C2orf49: variants seen among roughly 807,000 people sequenced by gnomAD.
C2orf49 encodes the protein tRNA splicing ligase complex subunit 2, also known as tRNA-splicing ligase complex subunit ASW.
In C2orf49, 11 loss-of-function variants were observed where a neutral mutation model predicts 20.6. That is an observed-to-expected ratio of 0.53 (90% CI 0.34 to 0.88). C2orf49 has a LOEUF of 0.88. Among genes scored for constraint, C2orf49 ranks in the 40% least tolerant of loss-of-function variants. The pLI is 0.02. For synonymous variants in C2orf49, 134 were observed against 108.5 expected (o/e 1.24, Z -1.46); for missense variants, 289 against 274.2 (o/e 1.05, Z -0.38).
the C2orf49 span, among the ~76,000 whole-genome samples, chr2:105,385,540 GA>G: frequency 1.3e-5 from 2 of 152,234 alleles, no homozygotes; most frequent in Non-Finnish European, 2.9e-5. Context: ...AATTCCTTTA[GA>G]GATGCCAAAG....
the C2orf49 span, chr2:105,373,843 C>T: frequency 1.2e-5 from 13 of 1,057,850 alleles, no homozygotes; most frequent in Non-Finnish European, 1.7e-5. Context: ...GAAGTTGGGC[C>T]GAGGCACCCT....
the C2orf49 span, chr2:105,385,788 T>C: frequency 6.5e-6 from 1 of 153,254 alleles, no homozygotes; most frequent in African/African-American, 2.4e-5. Flanking sequence ...CAGTGGTCTT[T>C]GCTGAACCAC....
chr2:105,369,226 G>A, the C2orf49 span, among the ~76,000 whole-genome samples: 3 of 152,180 alleles, frequency 2.0e-5, no homozygotes, highest in Admixed American at 6.5e-5. Flanking sequence ...GGACTGCCCC[G>A]CTCCAGACCA....
At chr2:105,378,670 T>G in the C2orf49 span, 2 of 155,670 alleles carry the variant, frequency 1.3e-5, no homozygotes, top group Admixed American at 1.3e-4. Context: ...AACGTTTCTC[T>G]CAGCCTACCT....
At chr2:105,363,021 A>G in the C2orf49 span, 1 of 433,114 alleles carries the variant, frequency 2.3e-6, no homozygotes, top group African/African-American at 2.0e-5. Flanking sequence ...AGTTTTAGCG[A>G]TAATCCAACC....
chr2:105,352,429 G>GTTTTTTTTTTTTGTTT (rs1679956343), downstream of C2orf49, among the ~76,000 whole-genome samples: 1 of 80,758 alleles, frequency 1.2e-5, no homozygotes. Flanking sequence ...GTTTGTTTGG[G>GTTTTTTTTTTTTGTTT]TTTTTTTTTT....
At chr2:105,380,858 A>G in the C2orf49 span, among the ~76,000 whole-genome samples, 8 of 152,244 alleles carry the variant, frequency 5.3e-5, no homozygotes. Context: ...AATGTCATAC[A>G]TTGCAGTAAA....
chr2:105,360,926 T>C, the C2orf49 span: 4 of 175,464 alleles, frequency 2.3e-5, no homozygotes, highest in Non-Finnish European at 3.6e-5. Flanking sequence ...CATTACCTTA[T>C]TGAGTTTAGA....
At position 105,343,066 on chromosome 2, in the gene C2orf49, A is replaced by G; in HGVS notation, c.485A>G (p.Asn162Ser). 6.2e-7 allele frequency: 1 copy of G among 1,614,244 alleles called. No individual in the cohort carries two copies. Among genetic ancestry groups the G allele is most frequent in the Non-Finnish European group, 8.5e-7 (1 of 1,180,050 alleles). ...TTGTCTTCCAATTTGCCTGTGAACAATAAAACGGAACACAATAATAATGAC... is the reference window on the plus strand; with the variant it reads ...TTGTCTTCCAATTTGCCTGTGAACAGTAAAACGGAACACAATAATAATGAC... ...LILSSNLPVNNKTEHNNNDAK... is the reference protein window; with the variant it reads ...LILSSNLPVNSKTEHNNNDAK... The change falls in exon 3 of 4, where the codon AAT (asparagine) becomes AGT (serine). Residue 162 changes from asparagine to serine, a missense_variant. Coordinates refer to ENST00000258457, the MANE Select transcript of C2orf49 (RefSeq NM_024093.3).
the C2orf49 span, among the ~76,000 whole-genome samples, chr2:105,362,062 A>G: frequency 6.6e-6 from 1 of 152,224 alleles, no homozygotes; most frequent in African/African-American, 2.4e-5. Context: ...CACAATTCAC[A>G]TTCATATCTA....
At chr2:105,343,292 G>A (rs1461970130) in intron 3 of C2orf49, 69 bp downstream of exon 3, 17 of 1,472,688 alleles carry the variant, frequency 1.2e-5, no homozygotes, top group East Asian at 2.3e-5. Context: ...GCCTCATGAC[G>A]GGAGGTGGGT....
the C2orf49 span, among the ~76,000 whole-genome samples, chr2:105,384,423 G>T: frequency 6.6e-6 from 1 of 152,208 alleles, no homozygotes; most frequent in South Asian, 2.1e-4. Flanking sequence ...CCTGTCAGCT[G>T]CTAGAAGAGT....
rs772530698 is a variant in C2orf49, at chr2:105,345,834, A to C, written c.*463A>C. Reference sequence around the variant, plus strand: ...CAAAATTAGCTGGGCATAGTGGTGCATGCCTGTAATCCCAGCTATTCAGGA... The same window carrying C: ...CAAAATTAGCTGGGCATAGTGGTGCCTGCCTGTAATCCCAGCTATTCAGGA... On this transcript the variant is annotated 3_prime_UTR_variant, in exon 4 of 4. Transcript: ENST00000258457. 40 of 155,384 alleles carry C rather than the reference A, an allele frequency of 2.6e-4. No homozygotes were observed. The highest frequency in any genetic ancestry group is 8.5e-5 in the Non-Finnish European group (6 of 70,396). The allele number at this position is 155,384 out of a possible 1,614,324, so 9.6% of individuals were successfully genotyped here.
At chr2:105,384,430 G>A in the C2orf49 span, among the ~76,000 whole-genome samples, 1 of 152,212 alleles carries the variant, frequency 6.6e-6, no homozygotes, top group African/African-American at 2.4e-5. Flanking sequence ...GCTGCTAGAA[G>A]AGTACGAGTG....
chr2:105,340,634 T>G (rs896715535), intron 2 of C2orf49, among the ~76,000 whole-genome samples: 1 of 152,248 alleles, frequency 6.6e-6, no homozygotes, highest in African/African-American at 2.4e-5. Flanking sequence ...TATTTAAAAT[T>G]ATTTAATTTC....
the C2orf49 span, among the ~76,000 whole-genome samples, chr2:105,366,634 G>T: frequency 3.0e-4 from 46 of 152,316 alleles, no homozygotes; most frequent in South Asian, 8.3e-3. Flanking sequence ...CAGGTCGGGG[G>T]GCAACTGGGC....
downstream of C2orf49, among the ~76,000 whole-genome samples, chr2:105,350,964 G>A (rs1170150124): frequency 6.6e-6 from 1 of 152,080 alleles, no homozygotes; most frequent in African/African-American, 2.4e-5. Context: ...AGGGTACCAT[G>A]TTATTTAGTT....
chr2:105,337,729 A>G, intron 1 of C2orf49, 43 bp downstream of exon 1: 1 of 1,437,876 alleles, frequency 7.0e-7, no homozygotes. Flanking sequence ...GGGCCTTCCC[A>G]GGTGAGGCGC....
At chr2:105,374,069 T>C in the C2orf49 span, 1 of 333,268 alleles carries the variant, frequency 3.0e-6, no homozygotes, top group South Asian at 2.9e-5. Flanking sequence ...TATCAATTCG[T>C]CTCACACCAC....
Sources: gnomAD v4.1 joint callset for allele counts (sites outside exome capture counted in the v4.1 genomes callset) on GRCh38, gnomAD v4.1.1 for gene constraint, MANE v1.5 for transcripts, NCBI Gene and HGNC (gene_info 2026-07-23, HGNC 2026-07-21) for gene names.